CCP110: variants seen among roughly 807,000 people sequenced by gnomAD.
The protein encoded by CCP110 is centriolar coiled-coil protein of 110 kDa.
A neutral mutation model predicts 105.5 loss-of-function variants in CCP110; 43 were observed. The ratio of observed to expected loss-of-function variants is 0.41; its 90% CI spans 0.32 to 0.53. The LOEUF is 0.53. Ranked by LOEUF, CCP110 falls within the 20% of genes least tolerant of loss-of-function variation. The pLI is 0.32. For missense variants in CCP110, 1,016 were observed against 1,189.1 expected (o/e 0.85, Z 2.14); for synonymous variants, 353 against 392.1 (o/e 0.90, Z 1.18).
chr16:19,546,204 A>G (rs1970452898), intron 11 of CCP110: 1 of 518,388 alleles, frequency 1.9e-6, no homozygotes, highest in Non-Finnish European at 3.3e-6. Flanking sequence ...TTTCTTGGGA[A>G]TAAAGACTTA....
chr16:19,540,587 A>G, intron 4 of CCP110, 70 bp from the exon 5 acceptor site: 1 of 1,260,422 alleles, frequency 7.9e-7, no homozygotes, highest in Non-Finnish European at 1.1e-6. Flanking sequence ...GATAATTTAA[A>G]TTGATGGTAT....
chr16:19,552,650 A>G (rs1192832050), exon 15 of CCP110: 1 of 152,190 alleles, frequency 6.6e-6, no homozygotes, highest in Non-Finnish European at 1.5e-5. Context: ...CTTTTCACAT[A>G]AAATTGAGAC....
chr16:19,545,018 G>A (rs1219124681), intron 9 of CCP110, 76 bp from the exon 10 acceptor site: 4 of 983,242 alleles, frequency 4.1e-6, no homozygotes, highest in African/African-American at 1.6e-5. Flanking sequence ...ATAAATAAGT[G>A]TACATGGTAT....
intron 14 of CCP110, among the ~76,000 whole-genome samples, chr16:19,550,951 G>A (rs1970618080): frequency 6.6e-6 from 1 of 152,174 alleles, no homozygotes; most frequent in Non-Finnish European, 1.5e-5. Context: ...CACATCAGGT[G>A]GACTTGGGTT....
chr16:19,546,242 T>A (rs11648696), intron 11 of CCP110, 170 bp from the exon 12 acceptor site: 77,395 of 524,272 alleles, frequency 0.15, 6,139 homozygotes, highest in Admixed American at 0.19. Flanking sequence ...ATAACTTTTT[T>A]AAAAAATTCT....
Position 19,536,632 on chromosome 16 carries a change from G to A in CCP110, c.963G>A (p.Ser321=), listed in dbSNP as rs547319723. The A allele has an allele frequency of 3.0e-5, 49 of 1,614,082 alleles. 1 individual carries two copies. The South Asian group carries it at 3.1e-4, about 10-fold the overall frequency. The change falls in exon 4 of 15, where the codon TCG becomes TCA. Residue 321 remains serine, a synonymous_variant. Coordinates refer to ENST00000381396, the Ensembl canonical transcript of CCP110. ...GTATGCCAGTTTTAGCTAGCTTTTC[G>A]AAAGTGGACATACCTATACGAACTG...
At chr16:19,545,409 A>T (rs890016324) in intron 10 of CCP110, among the ~76,000 whole-genome samples, 199 bp downstream of exon 10, 6 of 152,150 alleles carry the variant, frequency 3.9e-5, no homozygotes, top group African/African-American at 1.4e-4. Flanking sequence ...TTGTTTTCTT[A>T]TTGGATTTTA....
chr16:19,526,763 C>T (rs1279697794), intron 1 of CCP110: 3 of 151,888 alleles, frequency 2.0e-5, no homozygotes, highest in Non-Finnish European at 4.4e-5. Flanking sequence ...TGAGGCCTAC[C>T]GAGGACATAT....
At chr16:19,531,583 C>G (rs564112177) in intron 2 of CCP110, among the ~76,000 whole-genome samples, 1 of 152,226 alleles carries the variant, frequency 6.6e-6, no homozygotes, top group East Asian at 1.9e-4. Context: ...ATCATTAAAC[C>G]TTTGGACATT....
chr16:19,531,464 A>T (rs1400276991), intron 2 of CCP110, among the ~76,000 whole-genome samples: 1 of 152,248 alleles, frequency 6.6e-6, no homozygotes, highest in Non-Finnish European at 1.5e-5. Context: ...CAATGCTTAG[A>T]AGCCTTCCAT....
At chr16:19,528,046 A>T (rs1446518239) in intron 2 of CCP110, 24 bp downstream of exon 2, 3 of 1,591,410 alleles carry the variant, frequency 1.9e-6, no homozygotes, top group Non-Finnish European at 2.6e-6. Flanking sequence ...GTTTTTAAAT[A>T]GTTTTTTTCT....
At chr16:19,546,553 A>G in intron 12 of CCP110, 79 bp downstream of exon 12, 1 of 800,882 alleles carries the variant, frequency 1.2e-6, no homozygotes, top group South Asian at 1.6e-5. Context: ...ACGGTGGCTC[A>G]CGCCTGTAAT....
In CCP110 at chr16:19,547,580, G is replaced by A. The variant is rs992708659; in HGVS notation, c.2841-375G>A. On this transcript the variant is annotated intron_variant, in intron 12 of 14. Coordinates refer to ENST00000381396, the Ensembl canonical transcript of CCP110. ...TAAATAAAAAATAAAGCTAAAAAGC[G>A]AACTTTAATATTTCTGACCTGTTTT... 4.9e-5 allele frequency: 8 copies of A among 163,042 alleles called. 1 individual carries two copies. Among genetic ancestry groups the A allele is most frequent in the East Asian group, 1.8e-4 (1 of 5,650 alleles). 10.1% of individuals were successfully genotyped at this position (163,042 alleles called of 1,614,324 possible).
chr16:19,539,962 C>T (rs226893), intron 4 of CCP110, among the ~76,000 whole-genome samples: 138,324 of 152,064 alleles, frequency 0.91, 63,176 homozygotes, highest in African/African-American at 0.96. Flanking sequence ...TGTATTTTTT[C>T]AGTAGAGATT....
chr16:19,552,522 G>A (rs1334300702), exon 15 of CCP110: 1 of 106,244 alleles, frequency 9.4e-6, no homozygotes, highest in East Asian at 2.6e-4. Context: ...GCAAGACACT[G>A]TCTCAAAAAA....
At chr16:19,526,371 T>C (rs1256319222) in intron 1 of CCP110, 1 of 152,168 alleles carries the variant, frequency 6.6e-6, no homozygotes, top group Non-Finnish European at 1.5e-5. Flanking sequence ...ATTAAAAAAA[T>C]AAAATATTTG....
chr16:19,542,588 A>C, intron 6 of CCP110, 33 bp from the exon 7 acceptor site: 1 of 1,488,048 alleles, frequency 6.7e-7, no homozygotes, highest in Non-Finnish European at 9.4e-7. Context: ...ATTATATGAC[A>C]TCAAGTATAA....
exon 9 of CCP110, chr16:19,544,833 G>A: frequency 6.2e-7 from 1 of 1,601,896 alleles, no homozygotes; most frequent in African/African-American, 1.3e-5. Context: ...TCAGTCAGAA[G>A]CACCATTAAA....
At chr16:19,551,235 T>C (rs748381130) in exon 15 of CCP110, 1 of 1,612,714 alleles carries the variant, frequency 6.2e-7, no homozygotes, top group Admixed American at 1.7e-5. Context: ...CGGCCAAATG[T>C]TGCGACAATT....
Sources: gnomAD v4.1 joint callset for allele counts (sites outside exome capture counted in the v4.1 genomes callset) on GRCh38, gnomAD v4.1.1 for gene constraint, MANE v1.5 for transcripts, NCBI Gene and HGNC (gene_info 2026-07-23, HGNC 2026-07-21) for gene names.